RIPOR3: variants seen among roughly 807,000 people sequenced by gnomAD.
The protein encoded by RIPOR3 is family with sequence similarity 65 member C.
In RIPOR3, 95 loss-of-function variants were observed where a neutral mutation model predicts 114.3. The observed-to-expected ratio is 0.83, with a 90% confidence interval of 0.70 to 0.99. The LOEUF (loss-of-function observed/expected upper bound fraction) is 0.99, where lower values mean the gene tolerates loss of function less well. Among genes scored for constraint, RIPOR3 ranks in the 50% least tolerant of loss-of-function variants. The pLI, the probability that RIPOR3 is intolerant of heterozygous loss-of-function variation, is 0.00. For missense variants in RIPOR3, 1,252 were observed against 1,266.9 expected (o/e 0.99, Z 0.18); for synonymous variants, 575 against 543.8 (o/e 1.06, Z -0.80).
intron 1 of RIPOR3, among the ~76,000 whole-genome samples, chr20:50,646,259 C>T (rs1042303439): frequency 1.8e-4 from 27 of 152,162 alleles, no homozygotes; most frequent in African/African-American, 6.3e-4. Context: ...TCCTGAGTAG[C>T]CGGGACCATA....
intron 1 of RIPOR3, among the ~76,000 whole-genome samples, chr20:50,671,420 GCGCGCGCGCACACA>G (rs2086484011): frequency 5.5e-5 from 1 of 18,236 alleles, no homozygotes; most frequent in African/African-American, 1.0e-4. Flanking sequence ...GCGCGTGCAC[GCGCGCGCGCACACA>G]CACACACACA....
chr20:50,609,841 C>T, intron 6 of RIPOR3, 119 bp from the exon 7 acceptor site: 1 of 1,178,188 alleles, frequency 8.5e-7, no homozygotes, highest in Non-Finnish European at 1.1e-6. Flanking sequence ...GCTAGCCCAG[C>T]CCATGGTGAC....
chr20:50,609,980 A>ACCTGCCTCCCCTG (rs1555846175), intron 6 of RIPOR3, among the ~76,000 whole-genome samples: 5 of 52,762 alleles, frequency 9.5e-5, no homozygotes, highest in East Asian at 5.3e-4. Flanking sequence ...TGCCACCCCT[A>ACCTGCCTCCCCTG]CCACCCCTGC....
Position 50,616,067 on chromosome 20 carries a change from C to T in RIPOR3, c.283G>A (p.Val95Met), listed in dbSNP as rs1057129880. 3.7e-6 allele frequency: 6 copies of T among 1,611,746 alleles called. No individual in the cohort carries two copies. The highest frequency in any genetic ancestry group is 5.1e-6 in the Non-Finnish European group (6 of 1,179,160). ...LKRGLKEYLCVQQAELDHLSG... is the reference protein window; with the variant it reads ...LKRGLKEYLCMQQAELDHLSG... Reference sequence around the variant, plus strand: ...AGGTGGTCCAGCTCAGCCTGCTGCACACACAGATACTCCCTGCAAGGAAAG... The same window carrying T: ...AGGTGGTCCAGCTCAGCCTGCTGCATACACAGATACTCCCTGCAAGGAAAG... The change falls in exon 4 of 22, where the codon GTG (valine) becomes ATG (methionine). Residue 95 changes from valine to methionine, a missense_variant. By Grantham distance (21) the Val-to-Met change is conservative (BLOSUM62 1). Transcript: ENST00000327979.
At chr20:50,648,384 T>C (rs1358658029) in intron 1 of RIPOR3, among the ~76,000 whole-genome samples, 1 of 151,804 alleles carries the variant, frequency 6.6e-6, no homozygotes, top group African/African-American at 2.4e-5. Context: ...GGGAAACTTA[T>C]TGTCTTGCAG....
At chr20:50,686,050 C>T (rs1204056300) in intron 1 of RIPOR3, among the ~76,000 whole-genome samples, 2 of 151,866 alleles carry the variant, frequency 1.3e-5, no homozygotes, top group Non-Finnish European at 2.9e-5. Context: ...AGCATAGACG[C>T]CTGGCTCTTT....
chr20:50,652,982 T>C (rs1247675198), intron 1 of RIPOR3, among the ~76,000 whole-genome samples: 2 of 152,214 alleles, frequency 1.3e-5, no homozygotes, highest in African/African-American at 4.8e-5. Flanking sequence ...AATGTTAACA[T>C]ATGTCCACGC....
At chr20:50,664,442 C>T (rs1356286642) in intron 1 of RIPOR3, among the ~76,000 whole-genome samples, 1 of 152,142 alleles carries the variant, frequency 6.6e-6, no homozygotes, top group Non-Finnish European at 1.5e-5. Flanking sequence ...GACCTCGAGT[C>T]TATTTCTTTT....
In RIPOR3 at chr20:50,634,596, G is replaced by C. The variant is rs192228412; in HGVS notation, c.4-3740C>G. 3.3e-5 allele frequency among the ~76,000 whole-genome samples: 5 copies of C among 152,312 alleles called. No individual in the cohort carries two copies. The East Asian group carries it at 7.7e-4, about 23-fold the overall frequency. On this transcript the variant is annotated intron_variant, in intron 1 of 21. Coordinates refer to ENST00000327979, the MANE Select transcript of RIPOR3 (RefSeq NM_001290268.2). ...CTTTATTGAACCAGAAAACAATGAA[G>C]GAAAGGTTGACGCTGCTTCCCCTAC... is the stretch of plus-strand genomic sequence containing the variant.
chr20:50,611,114 G>A, intron 5 of RIPOR3, 67 bp downstream of exon 5: 12 of 1,610,396 alleles, frequency 7.5e-6, no homozygotes, highest in South Asian at 2.2e-5. Flanking sequence ...CCAGGAAGAT[G>A]CAATGAGGCA....
intron 1 of RIPOR3, among the ~76,000 whole-genome samples, chr20:50,680,584 C>T (rs924904690): frequency 1.3e-5 from 2 of 152,180 alleles, no homozygotes; most frequent in South Asian, 2.1e-4. Context: ...CGTGTGCAGC[C>T]GCCTGTGCGA....
At chr20:50,640,650 C>T (rs1358794556) in intron 1 of RIPOR3, among the ~76,000 whole-genome samples, 1 of 150,024 alleles carries the variant, frequency 6.7e-6, no homozygotes, top group African/African-American at 2.5e-5. Flanking sequence ...CAGGGCTGGA[C>T]AGCAGAGCAG....
chr20:50,633,983 T>G (rs1331227193), intron 1 of RIPOR3, among the ~76,000 whole-genome samples: 1 of 84,562 alleles, frequency 1.2e-5, no homozygotes, highest in Non-Finnish European at 2.0e-5. Context: ...TTCTTTTCTT[T>G]TTTTTTTTTT....
chr20:50,602,569 A>G lies in RIPOR3; in HGVS notation c.1162T>C (p.Ser388Pro). Residue 388 changes from serine (S) to proline (P), a missense_variant, in exon 13 of 22, where the codon TCT (serine) becomes CCT (proline). Ser to Pro is a moderately conservative substitution (Grantham distance 74, BLOSUM62 -1). Coordinates refer to ENST00000327979, the MANE Select transcript of RIPOR3 (RefSeq NM_001290268.2). The surrounding 1 kb of genome is among the most constrained non-coding windows in gnomAD (Gnocchi z 4.3). The part of the protein sequence containing the change: ...PRATSILSYL[S>P]DSDLRGPSLR... ...CTGGGACCCCGGAGGTCGCTGTCAG[A>G]CAGGTAGCTGAGGATGGAGGTGGCC... 6.5e-7 allele frequency: 1 copy of G among 1,534,940 alleles called. No individual in the cohort carries two copies. The highest frequency in any genetic ancestry group is 8.8e-7 in the Non-Finnish European group (1 of 1,142,584).
chr20:50,642,820 G>T (rs1386216200), intron 1 of RIPOR3, among the ~76,000 whole-genome samples: 1 of 151,998 alleles, frequency 6.6e-6, no homozygotes, highest in East Asian at 1.9e-4. Flanking sequence ...AGGTCAAAGC[G>T]GGCAGATCAC....
At chr20:50,689,172 C>CT (rs71964773) in intron 1 of RIPOR3, among the ~76,000 whole-genome samples, 126 of 88,734 alleles carry the variant, frequency 1.4e-3, no homozygotes, top group African/African-American at 3.6e-3. Flanking sequence ...CTCCAAACTT[C>CT]TTTTTTTTTT....
chr20:50,623,487 G>A (rs536784321), intron 2 of RIPOR3, among the ~76,000 whole-genome samples: 2 of 152,174 alleles, frequency 1.3e-5, no homozygotes, highest in Non-Finnish European at 2.9e-5. Context: ...TGGATGCAAG[G>A]AGCAAGGTTT....
intron 1 of RIPOR3, among the ~76,000 whole-genome samples, chr20:50,677,366 A>ACTTTTTTTTTTTTTTTTTTTTTTTTTT (rs1491551747): frequency 1.4e-5 from 1 of 73,428 alleles, no homozygotes; most frequent in Non-Finnish European, 2.8e-5. Flanking sequence ...TTCTTGTTTT[A>ACTTTTTTTTTTTTTTTTTTTTTTTTTT]CTTTTTTTTT....
chr20:50,688,369 G>A (rs1333875594), intron 1 of RIPOR3, among the ~76,000 whole-genome samples: 1 of 151,936 alleles, frequency 6.6e-6, no homozygotes, highest in South Asian at 2.1e-4. Flanking sequence ...TGCCCAGGCT[G>A]GTCTCAAACT....
Sources: allele counts gnomAD v4.1 joint callset (sites outside exome capture counted in the v4.1 genomes callset), GRCh38; gene constraint gnomAD v4.1.1; non-coding constraint Gnocchi (gnomAD v3.1); transcripts MANE v1.5; gene names NCBI Gene and HGNC (gene_info 2026-07-23, HGNC 2026-07-21).